The following PIWIL2 variants were observed in gnomAD, a reference collection of about 807,000 sequenced individuals.
PIWIL2 encodes piwi-like protein 2.
Under a neutral mutation model 116.5 loss-of-function variants are expected in PIWIL2, and 81 were observed. That is an observed-to-expected ratio of 0.70 (90% CI 0.58 to 0.84). The LOEUF is 0.84. Ranked by LOEUF, PIWIL2 falls within the 40% of genes least tolerant of loss-of-function variation. The pLI is 0.00. For synonymous variants in PIWIL2, 489 were observed against 429.5 expected, an observed-to-expected ratio of 1.14 and a Z score of -1.71; for missense variants, 1,272 against 1,212.3, an observed-to-expected ratio of 1.05 and a Z score of -0.73.
chr8:22,283,276 G>T, intron 5 of PIWIL2, 36 bp downstream of exon 5: 1 of 1,523,420 alleles, frequency 6.6e-7, no homozygotes, highest in South Asian at 1.1e-5. Flanking sequence ...ACTTAGTAAT[G>T]ATCGTGAAAA....
chr8:22,355,244 G>A, intron 22 of PIWIL2, 105 bp from the exon 23 acceptor site: 2 of 1,061,460 alleles, frequency 1.9e-6, no homozygotes, highest in South Asian at 3.0e-5. Flanking sequence ...CCAGTTTTCA[G>A]GAAGGTGTGC....
In PIWIL2 at chr8:22,315,173, G is replaced by C. The variant is rs1191418952; in HGVS notation, c.2208+28G>C. 4.0e-6 allele frequency: 5 copies of C among 1,239,370 alleles called. No homozygotes were observed. In the Admixed American group the frequency reaches 8.4e-5, roughly 21 times the overall value. The allele number at this position is 1,239,370 out of a possible 1,614,324, so 76.8% of individuals were successfully genotyped here. A position where few individuals can be genotyped will look rare whatever the true frequency, so the allele number is the denominator to read the frequency against. ...GAGTGATGCCGAGATGGTTCAGTTT[G>C]CCTCTCCAGAGAATCCTCCAAGCTG... On this transcript the variant is annotated intron_variant, in intron 18 of 22. Coordinates refer to ENST00000356766, the MANE Select transcript of PIWIL2 (RefSeq NM_018068.5).
chr8:22,314,518 A>T lies in PIWIL2; in HGVS notation c.2091+89A>T, dbSNP rs1831407186. On this transcript the variant is annotated intron_variant, in intron 17 of 22. Transcript: ENST00000356766. ...GGGATATGTGTGTTCACAAAGACTA[A>T]AGTAGCTGTTAGAAGCCAGTATGTG... 3 of 586,056 alleles carry T rather than the reference A, an allele frequency of 5.1e-6. No individual in the cohort carries two copies. The South Asian group carries it at 1.0e-4, about 20-fold the overall frequency. The allele number at this position is 586,056 out of a possible 1,614,324, so 36.3% of individuals were successfully genotyped here.
chr8:22,336,531 C>G (rs1218279797), intron 20 of PIWIL2, among the ~76,000 whole-genome samples: 1 of 151,956 alleles, frequency 6.6e-6, no homozygotes, highest in East Asian at 1.9e-4. Context: ...TAAGAAGAAT[C>G]TAAAAACAAA....
intron 1 of PIWIL2, 60 bp from the exon 2 acceptor site, chr8:22,279,281 G>A: frequency 1.2e-6 from 1 of 866,388 alleles, no homozygotes; most frequent in Non-Finnish European, 1.9e-6. Context: ...TGCTTTGTGA[G>A]TGTGTCTTGA....
At chr8:22,325,205 G>A (rs1003671841) in intron 20 of PIWIL2, among the ~76,000 whole-genome samples, 2 of 152,124 alleles carry the variant, frequency 1.3e-5, no homozygotes, top group Non-Finnish European at 2.9e-5. Flanking sequence ...ATAGCATCCT[G>A]CCCACTCCAC....
chr8:22,278,335 C>T (rs1466094121), intron 1 of PIWIL2, among the ~76,000 whole-genome samples: 3 of 152,038 alleles, frequency 2.0e-5, no homozygotes, highest in East Asian at 1.9e-4. Flanking sequence ...GCCTTGGCAA[C>T]GTGGCAAGAC....
At chr8:22,314,246 C>A in intron 16 of PIWIL2, 82 bp from the exon 17 acceptor site, 1 of 621,004 alleles carries the variant, frequency 1.6e-6, no homozygotes, top group Non-Finnish European at 2.7e-6. Flanking sequence ...GCTTTGCATA[C>A]TCAGAATACT....
intron 20 of PIWIL2, among the ~76,000 whole-genome samples, chr8:22,347,779 G>A (rs775091393): frequency 1.2e-4 from 18 of 146,704 alleles, no homozygotes; most frequent in Non-Finnish European, 2.4e-4. Context: ...CGCCCACCTC[G>A]GCCTCCCAAA....
intron 20 of PIWIL2, among the ~76,000 whole-genome samples, chr8:22,324,787 A>C (rs1386885267): frequency 1.3e-5 from 2 of 148,920 alleles, no homozygotes; most frequent in African/African-American, 5.2e-5. Context: ...CTATGTTTTT[A>C]TGAAGAGAGG....
intron 20 of PIWIL2, among the ~76,000 whole-genome samples, chr8:22,332,895 G>C (rs1831893295): frequency 6.6e-6 from 1 of 151,962 alleles, no homozygotes; most frequent in African/African-American, 2.4e-5. Context: ...ATGGTTAAAG[G>C]AATAAGTAAC....
chr8:22,317,750 C>G (rs1258837808), intron 19 of PIWIL2, among the ~76,000 whole-genome samples: 1 of 152,094 alleles, frequency 6.6e-6, no homozygotes, highest in African/African-American at 2.4e-5. Flanking sequence ...AGCTCCGCCT[C>G]CCAGGTTCAC....
intron 6 of PIWIL2, 105 bp from the exon 7 acceptor site, chr8:22,287,423 C>T: frequency 1.3e-6 from 1 of 775,440 alleles, no homozygotes; most frequent in Non-Finnish European, 2.4e-6. Flanking sequence ...AATATGCCCG[C>T]TAGATGGAGC....
rs768353783 is a variant in PIWIL2, at chr8:22,290,363, G to A, written c.1181+17G>A. On this transcript the variant is annotated intron_variant, in intron 10 of 22. Transcript: ENST00000356766. ...GGATGTCATGTGAGTGAATGGTGGG[G>A]TCTATCTTTAACATGCTGATGATTT... The A allele has an allele frequency of 4.1e-5, 59 of 1,427,192 alleles. No homozygotes were observed. The highest frequency in any genetic ancestry group is 5.4e-5 in the Non-Finnish European group (55 of 1,012,086). 88.4% of individuals were successfully genotyped at this position (1,427,192 alleles called of 1,614,324 possible).
At chr8:22,317,155 GC>G (rs1189019341) in intron 19 of PIWIL2, among the ~76,000 whole-genome samples, 5 of 152,186 alleles carry the variant, frequency 3.3e-5, no homozygotes, top group Non-Finnish European at 5.9e-5. Flanking sequence ...CAAGGCTGGG[GC>G]TGTGCTGCCT....
At chr8:22,322,688 A>G (rs941981650) in intron 20 of PIWIL2, among the ~76,000 whole-genome samples, 17 of 152,010 alleles carry the variant, frequency 1.1e-4, no homozygotes, top group African/African-American at 3.6e-4. Context: ...TTACAGGCAC[A>G]TGCCACCACA....
Position 22,290,209 on chromosome 8 carries a change from AGTTGAGAC to A in PIWIL2, c.1068-23_1068-16del, listed in dbSNP as rs763047791. The stretch of plus-strand genomic sequence containing the variant: ...TATATGTGTTCTTTGAAAATCCTAC[AGTTGAGAC>A]CACCTCTCTCTCCAGATTGCAGATC... On this transcript the variant is annotated splice_polypyrimidine_tract_variant and intron_variant, in intron 9 of 22. Coordinates refer to ENST00000356766, the MANE Select transcript of PIWIL2 (RefSeq NM_018068.5). The A allele has an allele frequency of 1.4e-6, 2 of 1,432,810 alleles. No homozygotes were observed. Among genetic ancestry groups the A allele is most frequent in the East Asian group, 2.3e-5 (1 of 43,426 alleles). 88.8% of individuals were successfully genotyped at this position (1,432,810 alleles called of 1,614,324 possible).
At chr8:22,305,000 G>A in intron 12 of PIWIL2, 132 bp downstream of exon 12, 1 of 659,466 alleles carries the variant, frequency 1.5e-6, no homozygotes, top group Non-Finnish European at 2.8e-6. Flanking sequence ...CTGTGCAAGT[G>A]TTTGTCTGTC....
chr8:22,295,957 C>A (rs182517228), intron 10 of PIWIL2, among the ~76,000 whole-genome samples: 1 of 149,738 alleles, frequency 6.7e-6, no homozygotes, highest in Admixed American at 6.6e-5. Flanking sequence ...TGATCGGCTT[C>A]AGTTCGGCTG....
Sources: allele counts gnomAD v4.1 joint callset (sites outside exome capture counted in the v4.1 genomes callset), GRCh38; gene constraint gnomAD v4.1.1; transcripts MANE v1.5; gene names NCBI Gene and HGNC (gene_info 2026-07-23, HGNC 2026-07-21).